TBC1D8: variants seen among roughly 807,000 people sequenced by gnomAD.
TBC1D8 encodes TBC1 domain family member 8.
A neutral mutation model predicts 118.8 loss-of-function variants in TBC1D8; 65 were observed. The ratio of observed to expected loss-of-function variants is 0.55; its 90% CI spans 0.45 to 0.67. The LOEUF is 0.67. TBC1D8 is among the 30% of genes least tolerant of loss of function. The probability of loss-of-function intolerance (pLI) is 0.00; values close to 1 mark genes in which losing one functional copy is unlikely to be tolerated. For missense variants in TBC1D8, 1,376 were observed against 1,471.2 expected, an observed-to-expected ratio of 0.94 and a Z score of 1.06; for synonymous variants, 566 against 595.8, an observed-to-expected ratio of 0.95 and a Z score of 0.73.
Position 101,013,754 on chromosome 2 carries a change from A to G in TBC1D8, c.2828-2214T>C, listed in dbSNP as rs7573887. ...GTGGAGGCGACAAGCCAGTTCCACC[A>G]TAAGTGTCTTCTCTGTAGTAGAATT... On this transcript the variant is annotated intron_variant, in intron 17 of 19. Transcript: ENST00000409318. 7.8e-3 allele frequency among the ~76,000 whole-genome samples: 1,195 copies of G among 152,360 alleles called. 10 individuals carry two copies. The highest frequency in any genetic ancestry group is 0.026 in the African/African-American group (1,072 of 41,578).
In TBC1D8 at chr2:101,028,396, C is replaced by T. The variant is rs375051067; in HGVS notation, c.2259G>A (p.Gly753=). The change falls in exon 13 of 20, where the codon GGG becomes GGA. Residue 753 remains glycine (G), a synonymous_variant. Coordinates refer to ENST00000409318, the MANE Select transcript of TBC1D8 (RefSeq NM_001330348.2). ...LDHIKNEDSP[G]PPVGSHHAFF... ...AGGCATGGTGGCTGCCAACTGGGGG[C>T]CCTGGGCTGTCCTCATTCTTAATGT... 47 of 1,605,084 alleles carry T rather than the reference C, an allele frequency of 2.9e-5. No individual in the cohort carries two copies. The East Asian group carries it at 4.5e-4, about 15-fold the overall frequency.
At chr2:101,068,311 G>A (rs1683127335) in intron 2 of TBC1D8, 3 of 196,998 alleles carry the variant, frequency 1.5e-5, no homozygotes, top group Non-Finnish European at 2.0e-5. Flanking sequence ...CACCTGCGAA[G>A]GGATGCATCT....
At chr2:101,140,362 A>G (rs1011611570) in intron 1 of TBC1D8, among the ~76,000 whole-genome samples, 2 of 152,240 alleles carry the variant, frequency 1.3e-5, no homozygotes, top group Non-Finnish European at 2.9e-5. Context: ...AAGCTTCTGT[A>G]AAATGACACA....
intron 2 of TBC1D8, among the ~76,000 whole-genome samples, chr2:101,084,979 G>A (rs1675515045): frequency 6.6e-6 from 1 of 151,456 alleles, no homozygotes; most frequent in Non-Finnish European, 1.5e-5. Flanking sequence ...CACCTGAGCA[G>A]CTGGGACTAC....
intron 15 of TBC1D8, 93 bp downstream of exon 15, chr2:101,027,290 C>T: frequency 8.5e-7 from 1 of 1,173,844 alleles, no homozygotes; most frequent in South Asian, 1.2e-5. Context: ...CGGAGCCCTG[C>T]AGGCAGCTGC....
chr2:101,108,154 C>T (rs542761425), intron 1 of TBC1D8, among the ~76,000 whole-genome samples: 1 of 152,078 alleles, frequency 6.6e-6, no homozygotes, highest in Admixed American at 6.5e-5. Context: ...GCACTTTATC[C>T]CTGTGGTCTT....
intron 1 of TBC1D8, among the ~76,000 whole-genome samples, chr2:101,131,232 G>T (rs1678576988): frequency 6.6e-6 from 1 of 152,136 alleles, no homozygotes; most frequent in African/African-American, 2.4e-5. Flanking sequence ...AAGGTTCCAG[G>T]CCGGGCACGG....
intron 5 of TBC1D8, among the ~76,000 whole-genome samples, chr2:101,048,589 T>C (rs940072751): frequency 2.0e-5 from 3 of 152,118 alleles, no homozygotes; most frequent in African/African-American, 7.2e-5. Flanking sequence ...TTAAAACAAA[T>C]GGACACAGTA....
intron 5 of TBC1D8, among the ~76,000 whole-genome samples, chr2:101,042,832 A>C (rs1681465151): frequency 6.6e-6 from 1 of 152,162 alleles, no homozygotes; most frequent in African/African-American, 2.4e-5. Flanking sequence ...AACGCAAGAT[A>C]GTAAACTCTC....
intron 1 of TBC1D8, among the ~76,000 whole-genome samples, chr2:101,096,419 C>CAAAAAAAAAAAAAAAAAAAAAAAAAA (rs55824667): frequency 2.3e-5 from 1 of 43,732 alleles, no homozygotes; most frequent in Non-Finnish European, 4.2e-5. Context: ...TGGCTTTTGA[C>CAAAAAAAAAAAAAAAAAAAAAAAAAA]AAAAAAAAAA....
At chr2:101,015,248 A>G (rs1159924750) in intron 17 of TBC1D8, among the ~76,000 whole-genome samples, 1 of 152,202 alleles carries the variant, frequency 6.6e-6, no homozygotes, top group African/African-American at 2.4e-5. Flanking sequence ...TAAAAGAAAA[A>G]AAAATGGTAT....
chr2:101,008,990 T>G (rs1318481037), intron 19 of TBC1D8, among the ~76,000 whole-genome samples: 1 of 152,206 alleles, frequency 6.6e-6, no homozygotes, highest in African/African-American at 2.4e-5. Flanking sequence ...GTGATGCCTG[T>G]TGTTTTCTCA....
chr2:101,116,558 TCC>T (rs1034265261), intron 1 of TBC1D8, among the ~76,000 whole-genome samples: 1 of 151,640 alleles, frequency 6.6e-6, no homozygotes, highest in African/African-American at 2.4e-5. Flanking sequence ...GAAATCCTAA[TCC>T]CCCATACCTC....
At chr2:101,018,935 A>G in intron 17 of TBC1D8, 2 of 1,583,632 alleles carry the variant, frequency 1.3e-6, no homozygotes, top group Non-Finnish European at 8.6e-7. Flanking sequence ...AATCTTCTGG[A>G]ATGCTCTTCG....
intron 1 of TBC1D8, among the ~76,000 whole-genome samples, chr2:101,142,907 T>A (rs947782623): frequency 6.6e-6 from 1 of 152,148 alleles, no homozygotes. Flanking sequence ...GTGGTAGATA[T>A]ATAGTGTTTG....
At chr2:101,056,918 T>C (rs1208049748) in intron 3 of TBC1D8, among the ~76,000 whole-genome samples, 1 of 152,156 alleles carries the variant, frequency 6.6e-6, no homozygotes, top group Non-Finnish European at 1.5e-5. Context: ...AAGCCTCTAT[T>C]CCCAGATCCT....
intron 6 of TBC1D8, 44 bp from the exon 7 acceptor site, chr2:101,038,699 G>T: frequency 6.2e-7 from 1 of 1,602,942 alleles, no homozygotes; most frequent in Non-Finnish European, 8.5e-7. Flanking sequence ...CGGGAGGAAG[G>T]TAGGCATGTT....
chr2:101,094,335 T>G (rs1277702311), intron 1 of TBC1D8, among the ~76,000 whole-genome samples: 1 of 152,036 alleles, frequency 6.6e-6, no homozygotes, highest in Non-Finnish European at 1.5e-5. Flanking sequence ...GAACATCAGG[T>G]TGGGGACAGG....
chr2:101,056,000 A>G (rs1019970418), intron 3 of TBC1D8, among the ~76,000 whole-genome samples: 4 of 151,172 alleles, frequency 2.6e-5, no homozygotes, highest in African/African-American at 9.7e-5. Context: ...ATACACACAT[A>G]TATATAAATA....
Sources: gnomAD v4.1 joint callset for allele counts (sites outside exome capture counted in the v4.1 genomes callset) on GRCh38, gnomAD v4.1.1 for gene constraint, MANE v1.5 for transcripts, NCBI Gene and HGNC (gene_info 2026-07-23, HGNC 2026-07-21) for gene names.